LRRC20: variants seen among roughly 807,000 people sequenced by gnomAD.
The protein encoded by LRRC20 is leucine rich repeat containing 20, also known as leucine-rich repeat-containing protein 20.
LRRC20 carries 11 observed loss-of-function variants against 14.4 expected under a neutral mutation model. The ratio of observed to expected loss-of-function variants is 0.77; its 90% CI spans 0.48 to 1.27. The LOEUF (loss-of-function observed/expected upper bound fraction) is 1.27. Among genes scored for constraint, LRRC20 ranks in the 50% most tolerant of loss-of-function variants. The pLI is 0.00. For missense variants in LRRC20, 219 were observed against 251.2 expected (o/e 0.87, Z 0.87); for synonymous variants, 121 against 107.3 (o/e 1.13, Z -0.79).
In LRRC20 at chr10:70,372,932, A is replaced by T. The variant is rs577454215; in HGVS notation, c.82+3520T>A. On this transcript the variant is annotated intron_variant, in intron 2 of 4. Coordinates refer to ENST00000446961, the MANE Select transcript of LRRC20 (RefSeq NM_001278212.2). Reference sequence around the variant, plus strand: ...AGCTTGGCCAACATGGCAAAACCCCATCTCTACTAAAAAAAAAAAAAAAAT... The same window carrying T: ...AGCTTGGCCAACATGGCAAAACCCCTTCTCTACTAAAAAAAAAAAAAAAAT... 1.2e-3 allele frequency among the ~76,000 whole-genome samples: 133 copies of T among 109,648 alleles called. No individual in the cohort carries two copies. The East Asian group carries it at 0.032, about 26-fold the overall frequency. The allele number at this position is 109,648 out of a possible 152,430, so 71.9% of individuals were successfully genotyped here.
intron 3 of LRRC20, among the ~76,000 whole-genome samples, chr10:70,334,821 C>A (rs990461139): frequency 6.6e-6 from 1 of 152,218 alleles, no homozygotes; most frequent in African/African-American, 2.4e-5. Flanking sequence ...GGCACCAAGG[C>A]GGTTGCCAGA....
intron 1 of LRRC20, among the ~76,000 whole-genome samples, chr10:70,380,328 G>T (rs1056559740): frequency 2.0e-5 from 3 of 152,186 alleles, no homozygotes; most frequent in African/African-American, 4.8e-5. Flanking sequence ...CCCCCAAAAG[G>T]TTCCCGCTGC....
chr10:70,310,504 C>A (rs1841612090), intron 4 of LRRC20, among the ~76,000 whole-genome samples: 1 of 152,216 alleles, frequency 6.6e-6, no homozygotes, highest in Non-Finnish European at 1.5e-5. Context: ...TCCCCTGCAT[C>A]CCCCTCCAAA....
chr10:70,361,189 C>A (rs929479812), intron 2 of LRRC20, among the ~76,000 whole-genome samples: 1 of 152,178 alleles, frequency 6.6e-6, no homozygotes, highest in African/African-American at 2.4e-5. Context: ...GCTCATGAGG[C>A]CTCAGTTTCT....
Position 70,301,014 on chromosome 10 carries a change from C to A in LRRC20, c.*340G>T. Reference sequence around the variant, plus strand: ...CTGATCTGGAGGTAACTTGGAGGCACGTACTGCTTAAAAACCTCCAGGGAG... The same window carrying A: ...CTGATCTGGAGGTAACTTGGAGGCAAGTACTGCTTAAAAACCTCCAGGGAG... On this transcript the variant is annotated 3_prime_UTR_variant, in exon 5 of 5. Coordinates refer to ENST00000446961, the MANE Select transcript of LRRC20 (RefSeq NM_001278212.2). The A allele has an allele frequency of 9.4e-7, 1 of 1,068,166 alleles. No individual in the cohort carries two copies. Among genetic ancestry groups the A allele is most frequent in the Non-Finnish European group, 1.1e-6 (1 of 883,778 alleles). 66.2% of individuals were successfully genotyped at this position (1,068,166 alleles called of 1,614,324 possible).
At chr10:70,339,775 C>T (rs750244567) in intron 3 of LRRC20, among the ~76,000 whole-genome samples, 11 of 152,162 alleles carry the variant, frequency 7.2e-5, no homozygotes, top group Non-Finnish European at 1.3e-4. Flanking sequence ...ACTCCTGCCA[C>T]CTTGATGGCA....
chr10:70,356,394 C>T (rs1843520966), intron 2 of LRRC20, among the ~76,000 whole-genome samples: 1 of 152,054 alleles, frequency 6.6e-6, no homozygotes, highest in Non-Finnish European at 1.5e-5. Flanking sequence ...TGCCTGTAGT[C>T]CCAGCTAGCT....
At chr10:70,339,534 C>G (rs945117096) in intron 3 of LRRC20, among the ~76,000 whole-genome samples, 3 of 151,902 alleles carry the variant, frequency 2.0e-5, no homozygotes, top group Admixed American at 2.0e-4. Context: ...GGATCTGCCC[C>G]CCTAGGCTTC....
intron 2 of LRRC20, among the ~76,000 whole-genome samples, chr10:70,375,293 G>A (rs145492724): frequency 2.0e-5 from 3 of 152,300 alleles, no homozygotes; most frequent in Admixed American, 6.5e-5. Flanking sequence ...CTGACACTGC[G>A]CTGGGCTCTG....
rs115923383 is a variant in LRRC20 at position 70,301,374 on chromosome 10, C to T, written c.535G>A (p.Ala179Thr). 9.2e-5 allele frequency: 148 copies of T among 1,613,236 alleles called. No homozygotes were observed. Among genetic ancestry groups the T allele is most frequent in the Middle Eastern group, 3.3e-4 (2 of 6,058 alleles). The change falls in exon 5 of 5, where the codon GCA (alanine) becomes ACA (threonine). Residue 179 changes from alanine to threonine, a missense_variant. Ala to Thr is a moderately conservative substitution (Grantham distance 58, BLOSUM62 0). Coordinates refer to ENST00000446961, the MANE Select transcript of LRRC20 (RefSeq NM_001278212.2). ...KFDMLMSPEGARAPLP is the reference protein window; with the variant it reads ...KFDMLMSPEGTRAPLP ...GTGGCCTAAGGTAGGGGGGCTCTTG[C>T]GCCTTCCGGAGACATGAGCATGTCA...
chr10:70,351,931 C>A lies in LRRC20; in HGVS notation c.83-11229G>T, dbSNP rs527317390. ...AGACTTAAGGCTCAATATTTTTTAA[C>A]ACAATACTCATCTAGGATGTAACAG... is the stretch of plus-strand genomic sequence containing the variant. On this transcript the variant is annotated intron_variant, in intron 2 of 4. Transcript: ENST00000446961. 6.8e-4 allele frequency among the ~76,000 whole-genome samples: 104 copies of A among 152,288 alleles called. 1 individual carries two copies. The highest frequency in any genetic ancestry group is 7.1e-4 in the Non-Finnish European group (48 of 68,030).
rs118071373 is a variant in LRRC20, at chr10:70,371,971, G to A, written c.82+4481C>T. 4.3e-3 allele frequency among the ~76,000 whole-genome samples: 651 copies of A among 152,264 alleles called. 3 individuals carry two copies. The highest frequency in any genetic ancestry group is 6.6e-3 in the Non-Finnish European group (447 of 68,024). ...AAGTGCTTACCAGGGTTACTTGGCTGAGTAAGGTGAGAGCAAGCCTGTAAC... is the reference window on the plus strand; with the variant it reads ...AAGTGCTTACCAGGGTTACTTGGCTAAGTAAGGTGAGAGCAAGCCTGTAAC... On this transcript the variant is annotated intron_variant, in intron 2 of 4. Coordinates refer to ENST00000446961, the MANE Select transcript of LRRC20 (RefSeq NM_001278212.2).
At chr10:70,379,800 G>A (rs930680233) in intron 1 of LRRC20, among the ~76,000 whole-genome samples, 1 of 152,088 alleles carries the variant, frequency 6.6e-6, no homozygotes, top group African/African-American at 2.4e-5. Context: ...TTAGACCAGC[G>A]GTCCCCATCC....
chr10:70,318,767 A>C (rs1483789669), intron 4 of LRRC20, among the ~76,000 whole-genome samples: 1 of 152,010 alleles, frequency 6.6e-6, no homozygotes, highest in Non-Finnish European at 1.5e-5. Context: ...GAAAAAAAAA[A>C]AAGTGTTGTT....
chr10:70,300,328 G>T lies in LRRC20; in HGVS notation c.*1026C>A. On this transcript the variant is annotated 3_prime_UTR_variant, in exon 5 of 5. Transcript: ENST00000446961. Reference sequence around the variant, plus strand: ...TTCCATGTCCTGGGAAACCAGGACAGCTGGTCACCCTGTTGCCTGACCATA... The same window carrying T: ...TTCCATGTCCTGGGAAACCAGGACATCTGGTCACCCTGTTGCCTGACCATA... The T allele has an allele frequency of 1.0e-6, 1 of 974,022 alleles. No individual in the cohort carries two copies. Among genetic ancestry groups the T allele is most frequent in the Non-Finnish European group, 1.2e-6 (1 of 819,480 alleles). The allele number at this position is 974,022 out of a possible 1,614,324, so 60.3% of individuals were successfully genotyped here.
intron 2 of LRRC20, among the ~76,000 whole-genome samples, chr10:70,366,833 T>C (rs1844017190): frequency 6.6e-6 from 1 of 152,210 alleles, no homozygotes; most frequent in Non-Finnish European, 1.5e-5. Flanking sequence ...TTATGTACTA[T>C]AAGTAATCTA....
chr10:70,299,338 C>T lies in LRRC20; in HGVS notation c.*2016G>A, dbSNP rs3211061. 0.076 allele frequency: 11,590 copies of T among 152,390 alleles called. 1,204 individuals carry two copies. Among genetic ancestry groups the T allele is most frequent in the African/African-American group, 0.24 (9,864 of 41,516 alleles). 9.4% of individuals were successfully genotyped at this position (152,390 alleles called of 1,614,324 possible). Reference sequence around the variant, plus strand: ...GGTGGGTTAGGGAGGAGGCTGAGCACAGGCTCAGATCCCTGGAAGTGGCAG... The same window carrying T: ...GGTGGGTTAGGGAGGAGGCTGAGCATAGGCTCAGATCCCTGGAAGTGGCAG... On this transcript the variant is annotated 3_prime_UTR_variant, in exon 5 of 5. Coordinates refer to ENST00000446961, the MANE Select transcript of LRRC20 (RefSeq NM_001278212.2).
chr10:70,381,749 C>T (rs1470978447), intron 1 of LRRC20: 1 of 152,288 alleles, frequency 6.6e-6, no homozygotes, highest in African/African-American at 2.4e-5. Flanking sequence ...TAGTCCCAAA[C>T]CCCCCTTCAG....
At chr10:70,313,887 G>T (rs975120040) in intron 4 of LRRC20, among the ~76,000 whole-genome samples, 1 of 152,126 alleles carries the variant, frequency 6.6e-6, no homozygotes, top group Non-Finnish European at 1.5e-5. Flanking sequence ...CACCTGGACC[G>T]GTATATTAGT....
Sources: gnomAD v4.1 joint callset for allele counts (sites outside exome capture counted in the v4.1 genomes callset) on GRCh38, gnomAD v4.1.1 for gene constraint, MANE v1.5 for transcripts, NCBI Gene and HGNC (gene_info 2026-07-23, HGNC 2026-07-21) for gene names.